Variants in HK1 observed in about 807,000 individuals in gnomAD.
HK1 encodes the protein hexokinase 1.
A neutral mutation model predicts 91.6 loss-of-function variants in HK1; 28 were observed. The observed-to-expected ratio is 0.31, with a 90% CI of 0.23 to 0.42. HK1 has a LOEUF of 0.42. HK1 is among the 10% of genes least tolerant of loss of function. The probability of loss-of-function intolerance (pLI) is 1.00; values close to 1 mark genes in which losing one functional copy is unlikely to be tolerated. For synonymous variants in HK1, 430 were observed against 468.1 expected (o/e 0.92, Z 1.05); for missense variants, 770 against 1,219.8 (o/e 0.63, Z 5.49).
intron 8 of HK1, among the ~76,000 whole-genome samples, chr10:69,378,550 C>A (rs1839230885): frequency 1.3e-5 from 2 of 152,070 alleles, no homozygotes; most frequent in African/African-American, 4.8e-5. Context: ...TGGAATACCC[C>A]CAAAATATCT....
chr10:69,385,191 G>T (rs1189324898), intron 12 of HK1, among the ~76,000 whole-genome samples: 1 of 152,206 alleles, frequency 6.6e-6, no homozygotes, highest in Non-Finnish European at 1.5e-5. Flanking sequence ...CTGTTCATTT[G>T]ATTGTTGCCT....
rs181950442 is a variant in HK1 at position 69,276,624 on chromosome 10, C to A, written c.-390-5905C>A. 3.0e-3 allele frequency among the ~76,000 whole-genome samples: 451 copies of A among 151,142 alleles called. 3 individuals carry two copies. The highest frequency in any genetic ancestry group is 0.01 in the African/African-American group (428 of 41,164). On this transcript the variant is annotated intron_variant, in intron 1 of 21. Transcript: ENST00000360289. Reference sequence around the variant, plus strand: ...CAGTGAGCTGAGATCGTGCCACTGCCCTCCAGCCTGGGTGACATAGTAAGA... The same window carrying A: ...CAGTGAGCTGAGATCGTGCCACTGCACTCCAGCCTGGGTGACATAGTAAGA...
At chr10:69,310,940 C>T (rs1474341102), upstream of HK1, among the ~76,000 whole-genome samples, 1 of 152,034 alleles carries the variant, frequency 6.6e-6, no homozygotes, top group African/African-American at 2.4e-5. Flanking sequence ...ACCTGTAATC[C>T]CAGCTACTCA....
intron 5 of HK1, among the ~76,000 whole-genome samples, chr10:69,302,925 G>A (rs1176176516): frequency 6.6e-6 from 1 of 151,658 alleles, no homozygotes; most frequent in African/African-American, 2.4e-5. Context: ...AGGCGATGAG[G>A]GGCTAGTTCT....
chr10:69,299,573 G>T (rs537108788), intron 4 of HK1, among the ~76,000 whole-genome samples: 1 of 151,682 alleles, frequency 6.6e-6, no homozygotes, highest in East Asian at 1.9e-4. Flanking sequence ...CACCATGTTG[G>T]TTAAGTTGGT....
At chr10:69,278,159 G>C (rs1844560542) in intron 1 of HK1, among the ~76,000 whole-genome samples, 1 of 152,244 alleles carries the variant, frequency 6.6e-6, no homozygotes, top group Admixed American at 6.5e-5. Flanking sequence ...ACATTTCCTA[G>C]GGAAACTGAC....
chr10:69,275,863 G>T (rs1844411470), intron 1 of HK1, among the ~76,000 whole-genome samples: 1 of 151,720 alleles, frequency 6.6e-6, no homozygotes, highest in Non-Finnish European at 1.5e-5. Flanking sequence ...GCCGAGGCAG[G>T]TGGATCGCCT....
At chr10:69,347,522 G>A (rs1005592035) in intron 2 of HK1, among the ~76,000 whole-genome samples, 2 of 150,838 alleles carry the variant, frequency 1.3e-5, no homozygotes, top group African/African-American at 4.9e-5. Flanking sequence ...TGCAACCTCC[G>A]CCTCCCGGGT....
chr10:69,309,976 G>A (rs943622392), intron 5 of HK1, among the ~76,000 whole-genome samples: 1 of 149,596 alleles, frequency 6.7e-6, no homozygotes, highest in East Asian at 2.0e-4. Context: ...CTTGAACCCG[G>A]GAGGCGGAGG....
chr10:69,339,369 T>C (rs755041848), intron 1 of HK1, among the ~76,000 whole-genome samples: 4 of 152,204 alleles, frequency 2.6e-5, no homozygotes, highest in Non-Finnish European at 4.4e-5. Context: ...AAGAAAGGGC[T>C]TCCCTTCATT....
At chr10:69,390,644 C>G (rs1437281998) in intron 14 of HK1, among the ~76,000 whole-genome samples, 1 of 152,188 alleles carries the variant, frequency 6.6e-6, no homozygotes, top group Non-Finnish European at 1.5e-5. Context: ...TACCAAAGCC[C>G]TTTTGGTCTG....
At chr10:69,368,440 G>A in intron 4 of HK1, 96 bp from the exon 5 acceptor site, 2 of 1,077,512 alleles carry the variant, frequency 1.9e-6, no homozygotes, top group Non-Finnish European at 2.8e-6. Flanking sequence ...GCCCCTATGG[G>A]CTTCTGCTTC....
chr10:69,300,545 G>C, intron 4 of HK1: 1 of 704,976 alleles, frequency 1.4e-6, no homozygotes. Context: ...GATGGAAGCA[G>C]ATTATTCTGC....
At position 69,349,971 on chromosome 10, in the gene HK1, A is replaced by C. The variant is rs987416022; in HGVS notation, c.226+5982A>C. ...GGATTCATCTGTCTCTTACTAGTTC[A>C]GTCAGCTCCTTTCCTGTGTGTTGGC... On this transcript the variant is annotated intron_variant, in intron 2 of 17. Transcript: ENST00000359426. 1.1e-4 allele frequency among the ~76,000 whole-genome samples: 16 copies of C among 152,344 alleles called. No individual in the cohort carries two copies. In the East Asian group the frequency reaches 2.5e-3, roughly 24 times the overall value.
intron 17 of HK1, among the ~76,000 whole-genome samples, chr10:69,399,285 G>T (rs1840282191): frequency 6.6e-6 from 1 of 152,186 alleles, no homozygotes; most frequent in South Asian, 2.1e-4. Flanking sequence ...CTAGGTGGGA[G>T]GACTGCTTCA....
chr10:69,286,624 C>T (rs1205501926), intron 2 of HK1, among the ~76,000 whole-genome samples: 1 of 151,972 alleles, frequency 6.6e-6, no homozygotes, highest in Non-Finnish European at 1.5e-5. Flanking sequence ...TCTCGGCTCA[C>T]TGCAACCTCC....
chr10:69,359,647 G>A (rs1024239698), intron 2 of HK1, among the ~76,000 whole-genome samples: 2 of 152,230 alleles, frequency 1.3e-5, no homozygotes, highest in Non-Finnish European at 2.9e-5. Flanking sequence ...CCTATAGTCA[G>A]AAGTAAGAGA....
At chr10:69,301,071 C>G (rs1845841329) in intron 5 of HK1, among the ~76,000 whole-genome samples, 1 of 151,702 alleles carries the variant, frequency 6.6e-6, no homozygotes, top group African/African-American at 2.4e-5. Flanking sequence ...ACTGGTGAAA[C>G]CCAGTCTCTA....
intron 1 of HK1, among the ~76,000 whole-genome samples, chr10:69,332,571 C>T (rs117118878): frequency 3.3e-5 from 5 of 151,614 alleles, no homozygotes; most frequent in African/African-American, 9.7e-5. Flanking sequence ...TTAGTAGAGA[C>T]GGGTTTTGCC....
Sources: allele counts gnomAD v4.1 joint callset (sites outside exome capture counted in the v4.1 genomes callset), GRCh38; gene constraint gnomAD v4.1.1; transcripts MANE v1.5; gene names NCBI Gene and HGNC (gene_info 2026-07-23, HGNC 2026-07-21).